Variants in ZNF181 observed in about 807,000 individuals in gnomAD.
The protein encoded by ZNF181 is zinc finger protein 181.
In ZNF181, 8 loss-of-function variants were observed where a neutral mutation model predicts 11.9. That is an observed-to-expected ratio of 0.67 (90% CI 0.39 to 1.21). The LOEUF is 1.21. Ranked by LOEUF, ZNF181 falls within the 50% of genes most tolerant of loss-of-function variation. The probability of loss-of-function intolerance (pLI) is 0.01; values close to 1 mark genes in which losing one functional copy is unlikely to be tolerated. For missense variants in ZNF181, 542 were observed against 670.9 expected (o/e 0.81, Z 2.12); for synonymous variants, 202 against 221.1 (o/e 0.91, Z 0.77).
chr19:34,740,269 G>C (rs1349019780), intron 3 of ZNF181, among the ~76,000 whole-genome samples: 1 of 152,218 alleles, frequency 6.6e-6, no homozygotes, highest in Admixed American at 6.5e-5. Flanking sequence ...GAGACAAAAT[G>C]CAATCTTTCA....
Position 34,739,283 on chromosome 19 carries a change from C to G in ZNF181, c.130+15C>G. On this transcript the variant is annotated intron_variant, in intron 2 of 3. Coordinates refer to ENST00000492450, the MANE Select transcript of ZNF181 (RefSeq NM_001029997.4). ...GGTCTCTGTAGGTAAGGATATTACC[C>G]CTTCCACTCCAGTAGGGGACACCTT... 6.2e-7 allele frequency: 1 copy of G among 1,613,242 alleles called. No homozygotes were observed. The highest frequency in any genetic ancestry group is 8.5e-7 in the Non-Finnish European group (1 of 1,179,532).
chr19:34,739,160 G>GATGTGGCT lies in ZNF181; in HGVS notation c.25_32dup (p.Ile11MetfsTer4), dbSNP rs1204729904. Reference sequence around the variant, plus strand: ...TTTGCTATTTCAGGTGACATTTAATGATGTGGCTATAGACTTCACTCATGA... The same window carrying GATGTGGCT: ...TTTGCTATTTCAGGTGACATTTAATGATGTGGCTATGTGGCTATAGACTTCACTCATGA... On this transcript the variant is annotated frameshift_variant, in exon 2 of 4. Coordinates refer to ENST00000492450, the MANE Select transcript of ZNF181 (RefSeq NM_001029997.4). LOFTEE classifies it high-confidence loss of function. 10 of 1,613,570 alleles carry GATGTGGCT rather than the reference G, an allele frequency of 6.2e-6. No homozygotes were observed. In the Admixed American group the frequency reaches 1.3e-4, roughly 22 times the overall value.
At chr19:34,735,822 G>A (rs577388246) in intron 1 of ZNF181, among the ~76,000 whole-genome samples, 1 of 152,108 alleles carries the variant, frequency 6.6e-6, no homozygotes, top group African/African-American at 2.4e-5. Flanking sequence ...CCCCACATAC[G>A]CACAAACTTG....
Position 34,740,694 on chromosome 19 carries a change from G to T in ZNF181, c.313G>T (p.Glu105Ter). The change falls in exon 4 of 4, where the codon GAA (glutamate) becomes TAA (stop). Residue 105 changes from glutamate (E) to a stop codon, truncating the protein, a stop_gained. Coordinates refer to ENST00000492450, the MANE Select transcript of ZNF181 (RefSeq NM_001029997.4). LOFTEE classifies it low-confidence loss of function (END_TRUNC). ...DEDSPQTVII[E>*]KVVKQSYEFS... ...AGATTCACCCCAAACAGTAATAATA[G>T]AAAAAGTTGTAAAACAAAGTTATGA... 1 of 1,612,570 alleles carries T rather than the reference G, an allele frequency of 6.2e-7. No individual in the cohort carries two copies. The highest frequency in any genetic ancestry group is 2.2e-5 in the East Asian group (1 of 44,858).
At position 34,739,266 on chromosome 19, in the gene ZNF181, TAGGTAA is replaced by T. The variant is rs1437597714; in HGVS notation, c.129_130+4del. On this transcript the variant is annotated splice_donor_variant and splice_donor_region_variant and coding_sequence_variant and intron_variant, in exon 2 of 4. Coordinates refer to ENST00000492450, the MANE Select transcript of ZNF181 (RefSeq NM_001029997.4). LOFTEE classifies it high-confidence loss of function. ...CAGAATTATGAGAACCTGGTCTCTG[TAGGTAA>T]GGATATTACCCCTTCCACTCCAGTA... 7 of 1,613,776 alleles carry T rather than the reference TAGGTAA, an allele frequency of 4.3e-6. No homozygotes were observed. The highest frequency in any genetic ancestry group is 5.9e-6 in the Non-Finnish European group (7 of 1,179,702).
In ZNF181 at chr19:34,742,046, C is replaced by G. The variant is rs151070918; in HGVS notation, c.1665C>G (p.Asp555Glu). 2 of 1,607,058 alleles carry G rather than the reference C, an allele frequency of 1.2e-6. No individual in the cohort carries two copies. The highest frequency in any genetic ancestry group is 1.7e-6 in the Non-Finnish European group (2 of 1,176,930). The change falls in exon 4 of 4, where the codon GAC becomes GAG. Residue 555 changes from aspartate to glutamate, a missense_variant. Physicochemically the swap from Asp to Glu is conservative, Grantham distance 45 (BLOSUM62 2). Coordinates refer to ENST00000492450, the MANE Select transcript of ZNF181 (RefSeq NM_001029997.4). The stretch of plus-strand genomic sequence containing the variant: ...TGGTAAGTGTGGAAAAGCCTTTAGA[C>G]TATATGAATCACTATACATGTGAGA... ...NSVVSVEKPL[D>E]YMNHYTCEKS...
At chr19:34,736,295 C>T (rs2068887989) in intron 1 of ZNF181, 2 of 642,618 alleles carry the variant, frequency 3.1e-6, no homozygotes, top group Non-Finnish European at 5.6e-6. Flanking sequence ...GTGGTACATG[C>T]CTGTTTTTCC....
rs1398724803 is a variant in ZNF181, at chr19:34,734,516, C to T, written c.-522C>T. ...AAACGCGGGGTGATGACGGCGCCGA[C>T]CTCTTGGCGCTGTTGTGAGAGTGAA... is the stretch of plus-strand genomic sequence containing the variant. On this transcript the variant is annotated 5_prime_UTR_variant, in exon 1 of 4. Transcript: ENST00000492450. The T allele has an allele frequency of 6.5e-6, 1 of 153,902 alleles. No individual in the cohort carries two copies. Among genetic ancestry groups the T allele is most frequent in the Admixed American group, 6.4e-5 (1 of 15,678 alleles). 9.5% of individuals were successfully genotyped at this position (153,902 alleles called of 1,614,324 possible).
In ZNF181 at chr19:34,734,541, A is replaced by C. The variant is rs1476809371; in HGVS notation, c.-497A>C. Reference sequence around the variant, plus strand: ...CCTCTTGGCGCTGTTGTGAGAGTGAAGTGGGCGCGTGGTTAGACGCCAGCC... The same window carrying C: ...CCTCTTGGCGCTGTTGTGAGAGTGACGTGGGCGCGTGGTTAGACGCCAGCC... On this transcript the variant is annotated 5_prime_UTR_variant, in exon 1 of 4. Transcript: ENST00000492450. The C allele has an allele frequency of 6.5e-6, 1 of 154,496 alleles. No homozygotes were observed. Among genetic ancestry groups the C allele is most frequent in the African/African-American group, 2.4e-5 (1 of 41,480 alleles). The allele number at this position is 154,496 out of a possible 1,614,324, so 9.6% of individuals were successfully genotyped here.
In ZNF181 at chr19:34,739,638, G is replaced by A. The variant is rs773305469; in HGVS notation, c.229+17G>A. Reference sequence around the variant, plus strand: ...TGATTCCAGGTGAGTCATGGTGAACGAGACAAAGGAAGATTTTGTTAAAAA... The same window carrying A: ...TGATTCCAGGTGAGTCATGGTGAACAAGACAAAGGAAGATTTTGTTAAAAA... On this transcript the variant is annotated intron_variant, in intron 3 of 3. Coordinates refer to ENST00000492450, the MANE Select transcript of ZNF181 (RefSeq NM_001029997.4). The A allele has an allele frequency of 1.5e-5, 25 of 1,613,468 alleles. No homozygotes were observed. The African/African-American group carries it at 2.4e-4, about 16-fold the overall frequency.
At chr19:34,736,117 G>A (rs1232538462) in intron 1 of ZNF181, 2 of 702,996 alleles carry the variant, frequency 2.8e-6, no homozygotes, top group African/African-American at 1.7e-5. Flanking sequence ...TAGATGCTTA[G>A]TAAGTAATTG....
intron 1 of ZNF181, among the ~76,000 whole-genome samples, chr19:34,736,748 G>T (rs1476042326): frequency 6.6e-6 from 1 of 152,080 alleles, no homozygotes; most frequent in Admixed American, 6.5e-5. Context: ...TTGCCTAGTG[G>T]CTACTGTATT....
chr19:34,739,632 G>A lies in ZNF181; in HGVS notation c.229+11G>A. On this transcript the variant is annotated intron_variant, in intron 3 of 3. Coordinates refer to ENST00000492450, the MANE Select transcript of ZNF181 (RefSeq NM_001029997.4). ...AAGGTATGATTCCAGGTGAGTCATG[G>A]TGAACGAGACAAAGGAAGATTTTGT... The A allele has an allele frequency of 3.1e-6, 5 of 1,613,856 alleles. No homozygotes were observed. The highest frequency in any genetic ancestry group is 4.2e-6 in the Non-Finnish European group (5 of 1,179,772).
chr19:34,742,179 TGTG>T lies in ZNF181; in HGVS notation c.*86_*88del, dbSNP rs2068991238. 26 of 1,404,994 alleles carry T rather than the reference TGTG, an allele frequency of 1.9e-5. No individual in the cohort carries two copies. The South Asian group carries it at 3.8e-4, about 20-fold the overall frequency. 87.0% of individuals were successfully genotyped at this position (1,404,994 alleles called of 1,614,324 possible). ...TTTATACTGGGGAAAGTCTTATGAA[TGTG>T]GTGAATATAGGAAGACCTTTTAGCA... On this transcript the variant is annotated 3_prime_UTR_variant, in exon 4 of 4. Coordinates refer to ENST00000492450, the MANE Select transcript of ZNF181 (RefSeq NM_001029997.4).
chr19:34,741,806 C>T lies in ZNF181; in HGVS notation c.1425C>T (p.Ser475=). 1.2e-6 allele frequency: 2 copies of T among 1,613,792 alleles called. No individual in the cohort carries two copies. The highest frequency in any genetic ancestry group is 1.7e-6 in the Non-Finnish European group (2 of 1,179,896). ...ICGKAFSHRS[S]LLQHHRIHTG... ...GGAAAGCCTTTAGTCATAGGTCATC[C>T]CTGCTTCAACATCACAGAATTCATA... Residue 475 remains serine, a synonymous_variant, in exon 4 of 4, where the codon TCC becomes TCT. Transcript: ENST00000492450.
chr19:34,740,932 A>C lies in ZNF181; in HGVS notation c.551A>C (p.Lys184Thr). Residue 184 changes from lysine to threonine, a missense_variant, in exon 4 of 4, where the codon AAA becomes ACA. Transcript: ENST00000492450. Reference sequence around the variant, plus strand: ...ATTTCTGCTGAAGGGAATTCACACAAATATGATATATTAAAGAAGAACTTA... The same window carrying C: ...ATTTCTGCTGAAGGGAATTCACACACATATGATATATTAAAGAAGAACTTA... ...QKISAEGNSH[K>T]YDILKKNLPK... 1 of 1,613,846 alleles carries C rather than the reference A, an allele frequency of 6.2e-7. No individual in the cohort carries two copies. Among genetic ancestry groups the C allele is most frequent in the Non-Finnish European group, 8.5e-7 (1 of 1,179,878 alleles).
At position 34,742,339 on chromosome 19, in the gene ZNF181, T is replaced by C. The variant is rs1288685947; in HGVS notation, c.*242T>C. On this transcript the variant is annotated 3_prime_UTR_variant, in exon 4 of 4. Coordinates refer to ENST00000492450, the MANE Select transcript of ZNF181 (RefSeq NM_001029997.4). ...GTATACTCACACTAGGATAAAACCC[T>C]GTACATGTAGCAAATGTGGGAAAGA... The C allele has an allele frequency of 3.5e-6, 1 of 288,426 alleles. No homozygotes were observed. The highest frequency in any genetic ancestry group is 6.5e-6 in the Non-Finnish European group (1 of 154,774). The allele number at this position is 288,426 out of a possible 1,614,324, so 17.9% of individuals were successfully genotyped here. A position where few individuals can be genotyped will look rare whatever the true frequency, so the allele number is the denominator to read the frequency against.
intron 1 of ZNF181, among the ~76,000 whole-genome samples, chr19:34,735,842 C>T (rs1304008600): frequency 6.6e-6 from 1 of 152,222 alleles, no homozygotes; most frequent in African/African-American, 2.4e-5. Context: ...GCATCCTTAT[C>T]TTCTTCGTGT....
In ZNF181 at chr19:34,740,989, T is replaced by A. The variant is rs780526110; in HGVS notation, c.608T>A (p.Val203Asp). The change falls in exon 4 of 4, where the codon GTC becomes GAC. Residue 203 changes from valine to aspartate, a missense_variant. Transcript: ENST00000492450. ...AAGTCAGTTATAAAAAATGAGAAAGTCAATGGTGGAAAGAAACTTTTGAAT... is the reference window on the plus strand; with the variant it reads ...AAGTCAGTTATAAAAAATGAGAAAGACAATGGTGGAAAGAAACTTTTGAAT... ...PKKSVIKNEK[V>D]NGGKKLLNSN... 42 of 1,614,070 alleles carry A rather than the reference T, an allele frequency of 2.6e-5. 2 individuals are homozygous for A. In the South Asian group the frequency reaches 2.7e-4, roughly 11 times the overall value.
Sources: allele counts gnomAD v4.1 joint callset (sites outside exome capture counted in the v4.1 genomes callset), GRCh38; gene constraint gnomAD v4.1.1; transcripts MANE v1.5; gene names NCBI Gene and HGNC (gene_info 2026-07-23, HGNC 2026-07-21).